Variants in NR6A1 observed in about 807,000 individuals in gnomAD.
NR6A1 encodes retinoic acid receptor-related testis-associated receptor.
Under a neutral mutation model 59.1 loss-of-function variants are expected in NR6A1, and 7 were observed. That is an observed-to-expected ratio of 0.12 (90% confidence interval 0.07 to 0.22). The LOEUF (loss-of-function observed/expected upper bound fraction) is 0.22. Ranked by LOEUF, NR6A1 falls within the 10% of genes least tolerant of loss-of-function variation. The pLI is 1.00. For synonymous variants in NR6A1, 243 were observed against 236.1 expected (o/e 1.03, Z -0.27); for missense variants, 468 against 611.6 (o/e 0.77, Z 2.48).
intron 2 of NR6A1, among the ~76,000 whole-genome samples, chr9:124,639,029 T>C (rs1430551280): frequency 1.3e-5 from 2 of 152,220 alleles, no homozygotes; most frequent in African/African-American, 4.8e-5. Flanking sequence ...AGAGTAGCCA[T>C]AATAGTTAAC....
chr9:124,720,317 C>T (rs1444109713), intron 2 of NR6A1, among the ~76,000 whole-genome samples: 1 of 152,136 alleles, frequency 6.6e-6, no homozygotes, highest in Non-Finnish European at 1.5e-5. Flanking sequence ...TCCCAAAGTG[C>T]TAGGATTACA....
rs139579170 is a variant in NR6A1 at position 124,732,175 on chromosome 9, G to A, written c.142+1133C>T. 1.6e-3 allele frequency among the ~76,000 whole-genome samples: 238 copies of A among 152,292 alleles called. 1 individual carries two copies. Among genetic ancestry groups the A allele is most frequent in the African/African-American group, 5.4e-3 (226 of 41,562 alleles). On this transcript the variant is annotated intron_variant, in intron 2 of 9. Coordinates refer to ENST00000487099, the MANE Select transcript of NR6A1 (RefSeq NM_033334.4). ...ATGTGAGAAGGTCCACCACCTCAGA[G>A]CTTGAATCAGCTTCACGATGATGGA...
intron 1 of NR6A1, among the ~76,000 whole-genome samples, chr9:124,736,422 T>C (rs1840021499): frequency 6.6e-6 from 1 of 152,170 alleles, no homozygotes; most frequent in African/African-American, 2.4e-5. Flanking sequence ...ACTCCCCACT[T>C]CTGTTAATGG....
At chr9:124,622,235 A>G (rs1248685806) in intron 2 of NR6A1, among the ~76,000 whole-genome samples, 1 of 152,170 alleles carries the variant, frequency 6.6e-6, no homozygotes, top group East Asian at 1.9e-4. Context: ...ATGACCAACC[A>G]GTATTTTCCC....
Position 124,540,331 on chromosome 9 carries a change from A to C in NR6A1, c.442-144T>G, listed in dbSNP as rs954432741. 20 of 892,398 alleles carry C rather than the reference A, an allele frequency of 2.2e-5. No homozygotes were observed. In the East Asian group the frequency reaches 4.7e-4, roughly 21 times the overall value. The allele number at this position is 892,398 out of a possible 1,614,324, so 55.3% of individuals were successfully genotyped here. A position where few individuals can be genotyped will look rare whatever the true frequency, so the allele number is the denominator to read the frequency against. On this transcript the variant is annotated intron_variant, in intron 4 of 9. Transcript: ENST00000487099. ...ATCCCCATATTCCGGGCCTCTCACT[A>C]ATCTTAGGACGGCGTGGCTTCCTTC... is the stretch of plus-strand genomic sequence containing the variant.
Position 124,522,693 on chromosome 9 carries a change from G to T in NR6A1, c.*12C>A. On this transcript the variant is annotated 3_prime_UTR_variant, in exon 10 of 10. Transcript: ENST00000487099. ...ACGCTGTGGTTGGCCTGAGGAGGGC[G>T]CCTGGAACAGGTCATTCCTTGCCCA... is the stretch of plus-strand genomic sequence containing the variant. 1.9e-6 allele frequency: 3 copies of T among 1,560,880 alleles called. No individual in the cohort carries two copies. Among genetic ancestry groups the T allele is most frequent in the Non-Finnish European group, 1.7e-6 (2 of 1,152,892 alleles).
At chr9:124,628,707 C>T (rs1588721364) in intron 2 of NR6A1, among the ~76,000 whole-genome samples, 1 of 151,852 alleles carries the variant, frequency 6.6e-6, no homozygotes, top group East Asian at 1.9e-4. Flanking sequence ...ATGGCGTGAT[C>T]TTGGCTCACT....
intron 2 of NR6A1, among the ~76,000 whole-genome samples, chr9:124,705,319 A>AAT (rs1839091635): frequency 6.6e-6 from 1 of 152,218 alleles, no homozygotes; most frequent in South Asian, 2.1e-4. Flanking sequence ...ACTATTGTTT[A>AAT]ATAGTCCATT....
intron 2 of NR6A1, among the ~76,000 whole-genome samples, chr9:124,604,949 A>C (rs1343023041): frequency 6.6e-6 from 1 of 152,242 alleles, no homozygotes; most frequent in Non-Finnish European, 1.5e-5. Context: ...ATTCCAGAGG[A>C]TAAACAAACA....
At chr9:124,630,741 C>G (rs1045795572) in intron 2 of NR6A1, among the ~76,000 whole-genome samples, 1 of 132,066 alleles carries the variant, frequency 7.6e-6, no homozygotes, top group Non-Finnish European at 1.5e-5. Flanking sequence ...TGCAATGGCA[C>G]GATCTCAGCT....
At chr9:124,749,949 A>G (rs924445524) in intron 1 of NR6A1, among the ~76,000 whole-genome samples, 1 of 152,362 alleles carries the variant, frequency 6.6e-6, no homozygotes, top group Non-Finnish European at 1.5e-5. Flanking sequence ...TTTGGTATAC[A>G]GCTGTTCTGA....
At chr9:124,568,460 G>A (rs1259094449) in intron 2 of NR6A1, among the ~76,000 whole-genome samples, 1 of 151,092 alleles carries the variant, frequency 6.6e-6, no homozygotes, top group East Asian at 1.9e-4. Context: ...TCCAGCCTGG[G>A]TGACACAGCA....
At chr9:124,579,840 G>A (rs754248261) in intron 2 of NR6A1, among the ~76,000 whole-genome samples, 5 of 151,894 alleles carry the variant, frequency 3.3e-5, no homozygotes, top group African/African-American at 7.3e-5. Flanking sequence ...GTGAAATGCC[G>A]CCTCTACTGA....
chr9:124,703,328 T>C (rs113673175), intron 2 of NR6A1, among the ~76,000 whole-genome samples: 1 of 148,332 alleles, frequency 6.7e-6, no homozygotes, highest in Non-Finnish European at 1.5e-5. Context: ...TCATCCCACC[T>C]CGACCTCCTA....
intron 1 of NR6A1, among the ~76,000 whole-genome samples, chr9:124,751,188 G>A (rs1004680139): frequency 2.0e-5 from 3 of 152,150 alleles, no homozygotes; most frequent in African/African-American, 7.2e-5. Context: ...AACCATTAAC[G>A]ACAAAATTTT....
chr9:124,658,706 C>T (rs956635396), intron 2 of NR6A1: 1 of 152,134 alleles, frequency 6.6e-6, no homozygotes, highest in Admixed American at 6.5e-5. Context: ...AAAAGTCTTA[C>T]GTAACAGTTC....
intron 4 of NR6A1, among the ~76,000 whole-genome samples, chr9:124,542,789 C>G (rs1300979067): frequency 6.6e-6 from 1 of 152,152 alleles, no homozygotes; most frequent in Non-Finnish European, 1.5e-5. Context: ...AACTCCTGGC[C>G]TCAAGCGATC....
chr9:124,616,266 G>C (rs145062201), intron 2 of NR6A1, among the ~76,000 whole-genome samples: 1,563 of 151,726 alleles, frequency 0.01, 26 homozygotes, highest in African/African-American at 0.036. Context: ...GCCAGGCATG[G>C]TGGCGCATGC....
chr9:124,691,868 G>T (rs191431628), intron 2 of NR6A1, among the ~76,000 whole-genome samples: 26 of 152,088 alleles, frequency 1.7e-4, no homozygotes, highest in African/African-American at 6.0e-4. Flanking sequence ...TATTATTATA[G>T]GCAAACAAGT....
Sources: gnomAD v4.1 joint callset for allele counts (sites outside exome capture counted in the v4.1 genomes callset) on GRCh38, gnomAD v4.1.1 for gene constraint, MANE v1.5 for transcripts, NCBI Gene and HGNC (gene_info 2026-07-23, HGNC 2026-07-21) for gene names.